NUP205: variants seen among roughly 807,000 people sequenced by gnomAD.
NUP205 encodes nuclear pore complex protein Nup205.
A neutral mutation model predicts 253.8 loss-of-function variants in NUP205; 76 were observed. The observed-to-expected ratio is 0.30, with a 90% CI of 0.25 to 0.36. The LOEUF is 0.36. Ranked by LOEUF, NUP205 falls within the 10% of genes least tolerant of loss-of-function variation. The probability of loss-of-function intolerance (pLI) is 1.00; values close to 1 mark genes in which losing one functional copy is unlikely to be tolerated. For missense variants in NUP205, 2,162 were observed against 2,425.5 expected (o/e 0.89, Z 2.28); for synonymous variants, 832 against 850.1 (o/e 0.98, Z 0.37).
chr7:135,567,334 G>A (rs1346140937), intron 1 of NUP205, among the ~76,000 whole-genome samples: 4 of 144,808 alleles, frequency 2.8e-5, no homozygotes, highest in Non-Finnish European at 6.0e-5. Flanking sequence ...TTTCATCCCA[G>A]CACTTGGGAA....
intron 1 of NUP205, among the ~76,000 whole-genome samples, chr7:135,562,207 T>C (rs1050336340): frequency 6.6e-6 from 1 of 152,092 alleles, no homozygotes; most frequent in Non-Finnish European, 1.5e-5. Flanking sequence ...AAAATTATTT[T>C]TTATTTTGAG....
At chr7:135,558,427 C>G (rs1329524921) in intron 1 of NUP205, among the ~76,000 whole-genome samples, 1 of 152,172 alleles carries the variant, frequency 6.6e-6, no homozygotes, top group Non-Finnish European at 1.5e-5. Context: ...CGAATACTCC[C>G]TATTATGAAG....
At chr7:135,619,325 G>C (rs1242837602) in intron 28 of NUP205, 98 bp from the exon 29 acceptor site, 1 of 1,302,970 alleles carries the variant, frequency 7.7e-7, no homozygotes, top group Non-Finnish European at 1.1e-6. Flanking sequence ...CTCGGTGACA[G>C]AGCGAGACCC....
rs1157228518 is a variant in NUP205 at position 135,578,845 on chromosome 7, G to C, written c.972G>C (p.Gly324=). The change falls in exon 7 of 43, where the codon GGG becomes GGC. Residue 324 remains glycine (G), a synonymous_variant. Coordinates refer to ENST00000285968, the MANE Select transcript of NUP205 (RefSeq NM_015135.3). ...LQDSQLWKLP[G]LQATVRLAWA... Reference sequence around the variant, plus strand: ...ACTCACAGCTTTGGAAACTGCCTGGGCTCCAAGCCACTGTTAGACTTGCCT... The same window carrying C: ...ACTCACAGCTTTGGAAACTGCCTGGCCTCCAAGCCACTGTTAGACTTGCCT... 7 of 1,612,046 alleles carry C rather than the reference G, an allele frequency of 4.3e-6. No homozygotes were observed. Among genetic ancestry groups the C allele is most frequent in the Non-Finnish European group, 5.9e-6 (7 of 1,179,290 alleles).
At position 135,604,473 on chromosome 7, in the gene NUP205, G is replaced by A; in HGVS notation, c.2823+13G>A. 4 of 1,594,878 alleles carry A rather than the reference G, an allele frequency of 2.5e-6. No homozygotes were observed. In the South Asian group the frequency reaches 3.4e-5, roughly 14 times the overall value. On this transcript the variant is annotated intron_variant, in intron 19 of 42. Transcript: ENST00000285968. ...CACACATGACCAGGTAACTGATTTT[G>A]TTGCTCTTGTTATTTTTTGGTGCAT...
rs1483617603 is a variant in NUP205 at position 135,576,359 on chromosome 7, T to A, written c.433T>A (p.Ser145Thr). The change falls in exon 4 of 43, where the codon TCC becomes ACC. Residue 145 changes from serine (S) to threonine (T), a missense_variant. Ser to Thr is a moderately conservative substitution (Grantham distance 58). Coordinates refer to ENST00000285968, the MANE Select transcript of NUP205 (RefSeq NM_015135.3). ...GGATGGAAAGCGATGCATTGCGAAT[T>A]CCTTGAAAGCCTTGATACAGTCTAG... ...YWDGKRCIAN[S>T]LKALIQSRRG... 1 of 1,613,996 alleles carries A rather than the reference T, an allele frequency of 6.2e-7. No individual in the cohort carries two copies. Among genetic ancestry groups the A allele is most frequent in the Admixed American group, 1.7e-5 (1 of 60,006 alleles).
chr7:135,642,204 G>A (rs1183832127), intron 38 of NUP205, among the ~76,000 whole-genome samples: 5 of 150,850 alleles, frequency 3.3e-5, no homozygotes, highest in African/African-American at 9.8e-5. Flanking sequence ...GCAGTGAGCC[G>A]AGATCGAACC....
intron 10 of NUP205, among the ~76,000 whole-genome samples, chr7:135,588,959 C>G (rs181140649): frequency 1.3e-5 from 2 of 151,032 alleles, no homozygotes; most frequent in South Asian, 2.1e-4. Flanking sequence ...GTGGGAAGAT[C>G]GCTTGAAGCC....
intron 22 of NUP205, among the ~76,000 whole-genome samples, chr7:135,607,725 ATGGCATGAAACGTCTC>A (rs1382876918): frequency 6.6e-6 from 1 of 152,228 alleles, no homozygotes; most frequent in African/African-American, 2.4e-5. Flanking sequence ...CACCTTGGGC[ATGGCATGAAACGTCTC>A]TGACTCTGAG....
At chr7:135,559,529 C>T (rs1037621929) in intron 1 of NUP205, among the ~76,000 whole-genome samples, 1 of 151,926 alleles carries the variant, frequency 6.6e-6, no homozygotes, top group Non-Finnish European at 1.5e-5. Context: ...TGCCACCACG[C>T]TGGGCTAATT....
At chr7:135,617,269 A>G (rs753372353) in intron 26 of NUP205, 22 bp downstream of exon 26, 6 of 1,604,170 alleles carry the variant, frequency 3.7e-6, no homozygotes, top group Non-Finnish European at 5.1e-6. Flanking sequence ...TTTAAAGTAC[A>G]TATCTGCAGT....
chr7:135,580,470 CTTT>C (rs1425428170), intron 7 of NUP205, among the ~76,000 whole-genome samples: 3 of 151,990 alleles, frequency 2.0e-5, no homozygotes, highest in Non-Finnish European at 2.9e-5. Context: ...TTAATATCTT[CTTT>C]TTTTATTTTG....
chr7:135,612,024 G>A (rs1794251392), intron 22 of NUP205, among the ~76,000 whole-genome samples: 1 of 152,186 alleles, frequency 6.6e-6, no homozygotes, highest in African/African-American at 2.4e-5. Flanking sequence ...GGAGGCTGAG[G>A]CGGGAGAATG....
At chr7:135,584,626 ACATT>A (rs1411147597) in intron 7 of NUP205, among the ~76,000 whole-genome samples, 3 of 152,234 alleles carry the variant, frequency 2.0e-5, no homozygotes, top group Non-Finnish European at 2.9e-5. Context: ...TTTCTAATAC[ACATT>A]CAGAGTATAT....
intron 7 of NUP205, among the ~76,000 whole-genome samples, chr7:135,582,112 C>G (rs1806322940): frequency 6.6e-6 from 1 of 152,074 alleles, no homozygotes; most frequent in Non-Finnish European, 1.5e-5. Flanking sequence ...AGGGCGAAAC[C>G]TTGACTCTGC....
At position 135,578,896 on chromosome 7, in the gene NUP205, C is replaced by T. The variant is rs752041992; in HGVS notation, c.1023C>T (p.Ser341=). The T allele has an allele frequency of 1.9e-6, 3 of 1,600,194 alleles. No individual in the cohort carries two copies. ...GGGCGCTGGCATTGAGGGGAATATC[C>T]CAGCTACCTGATGTGACAGGTGAAT... ...LAWALALRGI[S]QLPDVTALAE... is the part of the protein sequence containing the mutation. Residue 341 remains serine (S), a synonymous_variant, in exon 7 of 43, where the codon TCC becomes TCT. Transcript: ENST00000285968.
At chr7:135,635,505 T>C (rs1794790297) in intron 35 of NUP205, 76 bp from the exon 36 acceptor site, 2 of 845,594 alleles carry the variant, frequency 2.4e-6, no homozygotes, top group Non-Finnish European at 3.8e-6. Flanking sequence ...ATATAAAATA[T>C]TAGAACCTCT....
Position 135,615,972 on chromosome 7 carries a change from G to A in NUP205, c.3367G>A (p.Glu1123Lys). 1 of 1,613,606 alleles carries A rather than the reference G, an allele frequency of 6.2e-7. No individual in the cohort carries two copies. The highest frequency in any genetic ancestry group is 8.5e-7 in the Non-Finnish European group (1 of 1,179,650). ...ATGGCTTATGAAAACTGCCTCAATA[G>A]AGCTAAGGGTAACCTCTCTGAATCG... ...MSWLMKTASI[E>K]LRVTSLNRQR... The change falls in exon 24 of 43, where the codon GAG becomes AAG. Residue 1123 changes from glutamate (E) to lysine (K), a missense_variant. Physicochemically the swap from Glu to Lys is moderately conservative, Grantham distance 56. Around this residue, in one of 5 missense-constraint regions of NUP205, gnomAD observed 1,144 missense variants for 1,280.9 expected, o/e 0.89. Transcript: ENST00000285968.
chr7:135,639,428 G>A (rs1355204675), intron 38 of NUP205, among the ~76,000 whole-genome samples: 4 of 152,038 alleles, frequency 2.6e-5, no homozygotes, highest in African/African-American at 9.7e-5. Flanking sequence ...GGTTGCTTAC[G>A]CCTGTAATCC....
Sources: allele counts gnomAD v4.1 joint callset (sites outside exome capture counted in the v4.1 genomes callset), GRCh38; gene constraint gnomAD v4.1.1; regional missense constraint gnomAD v4.1.1; transcripts MANE v1.5; gene names NCBI Gene and HGNC (gene_info 2026-07-23, HGNC 2026-07-21).